TUBGCP2: variants seen among roughly 807,000 people sequenced by gnomAD.
TUBGCP2 encodes tubulin gamma complex component 2.
TUBGCP2 carries 55 observed loss-of-function variants against 92.2 expected under a neutral mutation model. The observed-to-expected ratio is 0.60, with a 90% CI of 0.48 to 0.75. TUBGCP2 has a LOEUF of 0.75. TUBGCP2 is among the 30% of genes least tolerant of loss of function. The probability of loss-of-function intolerance (pLI) is 0.00; values close to 1 mark genes in which losing one functional copy is unlikely to be tolerated. For missense variants in TUBGCP2, 1,093 were observed against 1,188.9 expected, an observed-to-expected ratio of 0.92 and a Z score of 1.19; for synonymous variants, 533 against 505.2, an observed-to-expected ratio of 1.06 and a Z score of -0.74.
In TUBGCP2 at chr10:133,289,951, C is replaced by T. The variant is rs1384476154; in HGVS notation, c.1233G>A (p.Glu411=). 2 of 1,614,176 alleles carry T rather than the reference C, an allele frequency of 1.2e-6. No individual in the cohort carries two copies. Among genetic ancestry groups the T allele is most frequent in the Non-Finnish European group, 1.7e-6 (2 of 1,180,010 alleles). The change falls in exon 9 of 18, where the codon GAG becomes GAA. Residue 411 remains glutamate (E), a synonymous_variant. Coordinates refer to ENST00000252936, the MANE Select transcript of TUBGCP2 (RefSeq NM_006659.4). The stretch of plus-strand genomic sequence containing the variant: ...GGATCCTCTCCTTCCGCAGCTCGTG[C>T]TCCTCGACCATAAACTCACTAAAAC... ...HDPYSEFMVE[E]HELRKERIQE...
chr10:133,304,003 G>C (rs1406635321), intron 1 of TUBGCP2, among the ~76,000 whole-genome samples: 1 of 152,208 alleles, frequency 6.6e-6, no homozygotes, highest in African/African-American at 2.4e-5. Flanking sequence ...CTGCTCATTA[G>C]CCTCTGTCAC....
At chr10:133,286,706 CAAGGAGATAAAGTTAGAAA>C (rs1418359936) in intron 11 of TUBGCP2, among the ~76,000 whole-genome samples, 1 of 151,214 alleles carries the variant, frequency 6.6e-6, no homozygotes, top group African/African-American at 2.5e-5. Context: ...TGTTCTCTAA[CAAGGAGATAAAGTTAGAAA>C]CAAGCAACAG....
intron 1 of TUBGCP2, among the ~76,000 whole-genome samples, chr10:133,303,369 G>A (rs1047362770): frequency 8.5e-5 from 13 of 152,246 alleles, no homozygotes; most frequent in African/African-American, 2.4e-4. Flanking sequence ...GCTTCCAGGC[G>A]GCCTCCGCAG....
At chr10:133,282,577 TC>T (rs2136108487) in intron 15 of TUBGCP2, among the ~76,000 whole-genome samples, 1 of 152,246 alleles carries the variant, frequency 6.6e-6, no homozygotes, top group South Asian at 2.1e-4. Context: ...TTTTGGTGTT[TC>T]CCTATTTGGG....
chr10:133,293,312 C>A, intron 6 of TUBGCP2, 74 bp from the exon 7 acceptor site: 1 of 1,533,334 alleles, frequency 6.5e-7, no homozygotes. Flanking sequence ...TTCTGAGTCT[C>A]ATCCCAAACA....
chr10:133,304,746 C>T (rs143219158), intron 1 of TUBGCP2, among the ~76,000 whole-genome samples: 9,675 of 152,274 alleles, frequency 0.064, 425 homozygotes, highest in African/African-American at 0.12. Context: ...AGCAATTACT[C>T]TTTATTCCAA....
chr10:133,293,699 G>A lies in TUBGCP2; in HGVS notation c.687C>T (p.Asp229=), dbSNP rs41283321. The A allele has an allele frequency of 9.0e-4, 1,444 of 1,604,982 alleles. 12 individuals are homozygous for A. The African/African-American group carries it at 0.012, about 14-fold the overall frequency. The change falls in exon 6 of 18, where the codon GAC becomes GAT. Residue 229 remains aspartate, a synonymous_variant. Transcript: ENST00000252936. ...EDLLYVLVGV[D]GRYVSAQPLA... ...GGGGCTGAGCACTGACGTACCTCCCGTCCACGCCCACCAGCACGTACAGCA... is the reference window on the plus strand; with the variant it reads ...GGGGCTGAGCACTGACGTACCTCCCATCCACGCCCACCAGCACGTACAGCA...
At chr10:133,290,534 A>G (rs1390152725) in intron 8 of TUBGCP2, 1 of 152,392 alleles carries the variant, frequency 6.6e-6, no homozygotes, top group Non-Finnish European at 1.5e-5. Flanking sequence ...CAACAAACCT[A>G]CAAACCTCGC....
In TUBGCP2 at chr10:133,291,161, G is replaced by A. The variant is rs529288757; in HGVS notation, c.1215-1192C>T. 18 of 367,816 alleles carry A rather than the reference G, an allele frequency of 4.9e-5. 1 individual carries two copies. The highest frequency in any genetic ancestry group is 2.4e-4 in the South Asian group (5 of 20,626). 22.8% of individuals were successfully genotyped at this position (367,816 alleles called of 1,614,324 possible). On this transcript the variant is annotated intron_variant, in intron 8 of 17. Transcript: ENST00000252936. ...GCCCTGGGCCCCATGGGCAGCAGGCGGACATCTGCCCGGGGTGTGCTTTCC... is the reference window on the plus strand; with the variant it reads ...GCCCTGGGCCCCATGGGCAGCAGGCAGACATCTGCCCGGGGTGTGCTTTCC...
chr10:133,300,157 A>G, intron 2 of TUBGCP2, 44 bp from the exon 3 acceptor site: 1 of 1,584,166 alleles, frequency 6.3e-7, no homozygotes, highest in Non-Finnish European at 8.6e-7. Flanking sequence ...GTAATTAATA[A>G]AGCACTGTAA....
At position 133,288,920 on chromosome 10, in the gene TUBGCP2, C is replaced by T. The variant is rs1309447306; in HGVS notation, c.1461G>A (p.Gln487=). The change falls in exon 10 of 18, where the codon CAG becomes CAA. Residue 487 remains glutamine, a synonymous_variant. Coordinates refer to ENST00000252936, the MANE Select transcript of TUBGCP2 (RefSeq NM_006659.4). Reference sequence around the variant, plus strand: ...TGGCGTAGTTAAACGCCTTCTCGATCTGCTCCACATACGCCCGCTCTTTTA... The same window carrying T: ...TGGCGTAGTTAAACGCCTTCTCGATTTGCTCCACATACGCCCGCTCTTTTA... ...YTLKERAYVE[Q]IEKAFNYASK... The T allele has an allele frequency of 3.1e-6, 5 of 1,614,276 alleles. No homozygotes were observed. The highest frequency in any genetic ancestry group is 4.2e-6 in the Non-Finnish European group (5 of 1,180,048).
At chr10:133,310,250 C>T (rs1589843100), upstream of TUBGCP2, 15 of 1,614,008 alleles carry the variant, frequency 9.3e-6, no homozygotes, top group East Asian at 1.8e-4. Context: ...ACCTGTACCC[C>T]GCGGACTTCC....
chr10:133,310,071 G>A (rs1847954152), upstream of TUBGCP2: 2 of 1,609,522 alleles, frequency 1.2e-6, no homozygotes, highest in Non-Finnish European at 1.7e-6. Context: ...GCAAGGCCGG[G>A]GACACCTTTC....
Position 133,302,533 on chromosome 10 carries a change from C to T in TUBGCP2, c.150+259G>A, listed in dbSNP as rs530481199. On this transcript the variant is annotated intron_variant, in intron 2 of 17. Transcript: ENST00000252936. ...CTCATCATGCACCCTGACCCAGGGACGACGCTCATCCTGCACATGGACTGA... is the reference window on the plus strand; with the variant it reads ...CTCATCATGCACCCTGACCCAGGGATGACGCTCATCCTGCACATGGACTGA... 2.5e-3 allele frequency: 1,110 copies of T among 444,688 alleles called. 6 individuals are homozygous for T. The highest frequency in any genetic ancestry group is 3.5e-3 in the Non-Finnish European group (855 of 246,166). The allele number at this position is 444,688 out of a possible 1,614,324, so 27.5% of individuals were successfully genotyped here. A position where few individuals can be genotyped will look rare whatever the true frequency, so the allele number is the denominator to read the frequency against.
intron 17 of TUBGCP2, among the ~76,000 whole-genome samples, chr10:133,280,496 T>TCCCCCA (rs1443384766): frequency 6.6e-6 from 1 of 152,074 alleles, no homozygotes; most frequent in African/African-American, 2.4e-5. Context: ...CCTGGCCCTT[T>TCCCCCA]CCCCCAGGCT....
chr10:133,302,983 A>G lies in TUBGCP2; in HGVS notation c.-39-3T>C, dbSNP rs1274048929. 6.2e-7 allele frequency: 1 copy of G among 1,611,592 alleles called. No individual in the cohort carries two copies. On this transcript the variant is annotated splice_region_variant and splice_polypyrimidine_tract_variant and intron_variant, in intron 1 of 17. Coordinates refer to ENST00000252936, the MANE Select transcript of TUBGCP2 (RefSeq NM_006659.4). ...CACGAACATCACAATATGTTCTCCT[A>G]TAGGTAAGAAGACAGCTATTCATAA...
upstream of TUBGCP2, chr10:133,309,275 G>T: frequency 1.4e-6 from 2 of 1,391,046 alleles, no homozygotes; most frequent in Non-Finnish European, 1.9e-6. Flanking sequence ...GGGGCCTGAG[G>T]CTGTGGGGCG....
rs377093018 is a variant in TUBGCP2, at chr10:133,285,294, G to T, written c.1896-81C>A. ...ACACGGCGTCTGTACTCCACAGTCC[G>T]CACCGTGGCCCCCGGACAGCCCGTG... On this transcript the variant is annotated intron_variant, in intron 12 of 17. Transcript: ENST00000252936. The surrounding 1 kb of genome is among the most constrained non-coding windows in gnomAD (Gnocchi z 6.8). 1.3e-6 allele frequency: 2 copies of T among 1,598,098 alleles called. No individual in the cohort carries two copies. Among genetic ancestry groups the T allele is most frequent in the South Asian group, 1.1e-5 (1 of 89,756 alleles).
At chr10:133,305,166 G>T (rs1847778937) in intron 1 of TUBGCP2, among the ~76,000 whole-genome samples, 1 of 152,160 alleles carries the variant, frequency 6.6e-6, no homozygotes, top group African/African-American at 2.4e-5. Context: ...CTCCTGGTCT[G>T]CTCTCATGTT....
Sources: allele counts gnomAD v4.1 joint callset (sites outside exome capture counted in the v4.1 genomes callset), GRCh38; gene constraint gnomAD v4.1.1; non-coding constraint Gnocchi (gnomAD v3.1); transcripts MANE v1.5; gene names NCBI Gene and HGNC (gene_info 2026-07-23, HGNC 2026-07-21).